Variants in TRMT44 observed in about 807,000 individuals in gnomAD.
TRMT44 encodes the protein probable tRNA (uracil-O(2)-)-methyltransferase.
A neutral mutation model predicts 77.3 loss-of-function variants in TRMT44; 78 were observed. That is an observed-to-expected ratio of 1.01 (90% CI 0.84 to 1.22). TRMT44 has a LOEUF of 1.22. Ranked by LOEUF, TRMT44 falls within the 50% of genes most tolerant of loss-of-function variation. The pLI is 0.00. For synonymous variants in TRMT44, 391 were observed against 383.3 expected (o/e 1.02, Z -0.23); for missense variants, 1,090 against 964.4 (o/e 1.13, Z -1.73).
chr4:8,496,781 T>G (rs1164944839), downstream of TRMT44, among the ~76,000 whole-genome samples: 1 of 152,060 alleles, frequency 6.6e-6, no homozygotes. Context: ...TCAGTGATTT[T>G]TTTTTTCTTT....
Position 8,440,850 on chromosome 4 carries a change from A to G in TRMT44, c.28A>G (p.Ser10Gly). 1 of 1,512,182 alleles carries G rather than the reference A, an allele frequency of 6.6e-7. No homozygotes were observed. Among genetic ancestry groups the G allele is most frequent in the Non-Finnish European group, 8.8e-7 (1 of 1,136,454 alleles). 93.7% of individuals were successfully genotyped at this position (1,512,182 alleles called of 1,614,324 possible). Residue 10 changes from serine (S) to glycine (G), a missense_variant, in exon 1 of 11, where the codon AGC becomes GGC. Ser to Gly is a moderately conservative substitution (Grantham distance 56). Coordinates refer to ENST00000389737, the MANE Select transcript of TRMT44 (RefSeq NM_152544.3). ...GGCTGAGGTGGGCCGTACCGGGATCAGCTACCCAGGCGCGCTTCTCCCACA... is the reference window on the plus strand; with the variant it reads ...GGCTGAGGTGGGCCGTACCGGGATCGGCTACCCAGGCGCGCTTCTCCCACA... MAEVGRTGI[S>G]YPGALLPQGF... is the part of the protein sequence containing the mutation.
chr4:8,452,286 G>A lies in TRMT44; in HGVS notation c.1023+258G>A, dbSNP rs995751297. Among the ~76,000 whole-genome samples, 2 of 152,232 alleles carry A rather than the reference G, an allele frequency of 1.3e-5. No individual in the cohort carries two copies. The highest frequency in any genetic ancestry group is 2.9e-5 in the Non-Finnish European group (2 of 68,036). On this transcript the variant is annotated intron_variant, in intron 4 of 10. Coordinates refer to ENST00000389737, the MANE Select transcript of TRMT44 (RefSeq NM_152544.3). This position sits in a 1 kb window ranked among gnomAD's most constrained non-coding sequence, Gnocchi z 5.7. ...TGTACGTCCACACTCAGCAGTCATC[G>A]TGGAGGCACCGGCTGGCACAGGGAA... is the stretch of plus-strand genomic sequence containing the variant.
chr4:8,477,400 C>A (rs2109204322), downstream of TRMT44: 1 of 152,426 alleles, frequency 6.6e-6, no homozygotes, highest in African/African-American at 2.4e-5. Flanking sequence ...CTTCATCTTA[C>A]TGGGAGACTG....
chr4:8,452,153 G>C lies in TRMT44; in HGVS notation c.1023+125G>C. The C allele has an allele frequency of 3.4e-6, 3 of 892,688 alleles. No individual in the cohort carries two copies. The highest frequency in any genetic ancestry group is 4.2e-5 in the Admixed American group (2 of 47,306). 55.3% of individuals were successfully genotyped at this position (892,688 alleles called of 1,614,324 possible). The stretch of plus-strand genomic sequence containing the variant: ...GGTGCTCACAATTCTGCTGGCCAAG[G>C]TTGGTTTCTCGTGTAATGGTTTGAC... On this transcript the variant is annotated intron_variant, in intron 4 of 10. Transcript: ENST00000389737. This position sits in a 1 kb window ranked among gnomAD's most constrained non-coding sequence, Gnocchi z 5.7.
chr4:8,463,570 C>T (rs1234699880), intron 6 of TRMT44, among the ~76,000 whole-genome samples: 1 of 152,224 alleles, frequency 6.6e-6, no homozygotes, highest in Non-Finnish European at 1.5e-5. Flanking sequence ...TGTTGTATTA[C>T]GCCCTTAAAT....
In TRMT44 at chr4:8,441,444, AAG is replaced by A. The variant is rs751181865; in HGVS notation, c.619+6_619+7del. Reference sequence around the variant, plus strand: ...CAGGAGGGAAATAGTCGTGCAAGGTAAGAGTGTTTTGATAGTGGACGGATATG... The same window carrying A: ...CAGGAGGGAAATAGTCGTGCAAGGTAAGTGTTTTGATAGTGGACGGATATG... On this transcript the variant is annotated splice_donor_5th_base_variant and intron_variant, in intron 1 of 10. Coordinates refer to ENST00000389737, the MANE Select transcript of TRMT44 (RefSeq NM_152544.3). The A allele has an allele frequency of 6.7e-7, 1 of 1,502,678 alleles. No individual in the cohort carries two copies. Among genetic ancestry groups the A allele is most frequent in the South Asian group, 1.2e-5 (1 of 80,030 alleles). 93.1% of individuals were successfully genotyped at this position (1,502,678 alleles called of 1,614,324 possible). A position where few individuals can be genotyped will look rare whatever the true frequency, so the allele number is the denominator to read the frequency against.
intron 2 of TRMT44, among the ~76,000 whole-genome samples, chr4:8,486,000 A>G (rs1727792003): frequency 6.6e-6 from 1 of 152,180 alleles, no homozygotes; most frequent in Admixed American, 6.5e-5. Flanking sequence ...GGCGTTGGTG[A>G]TGGTCCAGGG....
chr4:8,508,355 C>T, the TRMT44 span, among the ~76,000 whole-genome samples: 2 of 152,166 alleles, frequency 1.3e-5, no homozygotes, highest in Non-Finnish European at 1.5e-5. Context: ...GTTGGCCTGC[C>T]GGGCCCTGAG....
At chr4:8,512,999 G>A in the TRMT44 span, among the ~76,000 whole-genome samples, 2 of 152,128 alleles carry the variant, frequency 1.3e-5, no homozygotes, top group Admixed American at 1.3e-4. Context: ...TGCAACCTCC[G>A]CCTCCTGGGT....
chr4:8,480,193 A>G (rs1560247228), downstream of TRMT44, among the ~76,000 whole-genome samples: 1 of 152,220 alleles, frequency 6.6e-6, no homozygotes, highest in Non-Finnish European at 1.5e-5. Context: ...CATAAGGCGG[A>G]AAAAGGAGAC....
intron 9 of TRMT44, 69 bp from the exon 10 acceptor site, chr4:8,471,015 C>T: frequency 9.2e-7 from 1 of 1,088,054 alleles, no homozygotes; most frequent in Non-Finnish European, 1.4e-6. Flanking sequence ...TGGACTGTTT[C>T]TGCCTGTGTG....
chr4:8,442,017 A>T (rs1724751863), intron 1 of TRMT44, among the ~76,000 whole-genome samples: 1 of 152,264 alleles, frequency 6.6e-6, no homozygotes, highest in African/African-American at 2.4e-5. Context: ...AAACAGCGTT[A>T]TCTTTAACTT....
chr4:8,491,791 C>A (rs1004725461), intron 2 of TRMT44, among the ~76,000 whole-genome samples: 1 of 152,256 alleles, frequency 6.6e-6, no homozygotes, highest in African/African-American at 2.4e-5. Flanking sequence ...CGCGCCTCTC[C>A]CTCCACACAT....
At chr4:8,460,165 G>GC (rs1338622953) in intron 6 of TRMT44, among the ~76,000 whole-genome samples, 3 of 152,190 alleles carry the variant, frequency 2.0e-5, no homozygotes, top group Admixed American at 1.3e-4. Flanking sequence ...GTCATGAGTA[G>GC]CCCTCAGGAG....
chr4:8,465,607 G>T, intron 8 of TRMT44, 46 bp downstream of exon 8: 1 of 1,536,414 alleles, frequency 6.5e-7, no homozygotes, highest in Non-Finnish European at 8.9e-7. Context: ...TCGGTGTTCA[G>T]ATGGAGAGCT....
rs533887835 is a variant in TRMT44 at position 8,492,380 on chromosome 4, C to T, written n.3892-886C>T. Among the ~76,000 whole-genome samples, 122 of 152,268 alleles carry T rather than the reference C, an allele frequency of 8.0e-4. 1 individual carries two copies. The highest frequency in any genetic ancestry group is 1.0e-3 in the Non-Finnish European group (68 of 68,026). On this transcript the variant is annotated intron_variant and non_coding_transcript_variant, in intron 2 of 2. Coordinates refer to the TRMT44 transcript ENST00000511366. Reference sequence around the variant, plus strand: ...GCCATGACCGCCGTGGTGCTGAAACCGCCTCTGCAAAAATTATAACAGAAA... The same window carrying T: ...GCCATGACCGCCGTGGTGCTGAAACTGCCTCTGCAAAAATTATAACAGAAA...
chr4:8,474,259 G>C (rs1332389117), intron 10 of TRMT44, among the ~76,000 whole-genome samples: 1 of 152,234 alleles, frequency 6.6e-6, no homozygotes, highest in African/African-American at 2.4e-5. Context: ...GCACCCTTTA[G>C]AGGGTTCCAG....
At position 8,467,594 on chromosome 4, in the gene TRMT44, C is replaced by G. The variant is rs981036803; in HGVS notation, c.1495-320C>G. The stretch of plus-strand genomic sequence containing the variant: ...CTCCTGGGTTCAAATGATCCTCCTG[C>G]CTCAGCCTCCTGAGTAGCTGGGACT... On this transcript the variant is annotated intron_variant, in intron 8 of 10. Transcript: ENST00000389737. 2.0e-5 allele frequency among the ~76,000 whole-genome samples: 3 copies of G among 152,188 alleles called. No individual in the cohort carries two copies. In the East Asian group the frequency reaches 5.8e-4, roughly 29 times the overall value.
intron 6 of TRMT44, among the ~76,000 whole-genome samples, chr4:8,456,429 T>TC (rs2109121333): frequency 6.6e-6 from 1 of 152,240 alleles, no homozygotes; most frequent in Admixed American, 6.5e-5. Flanking sequence ...CAGAGAAAAG[T>TC]TACGGCATTA....
Sources: gnomAD v4.1 joint callset for allele counts (sites outside exome capture counted in the v4.1 genomes callset) on GRCh38, gnomAD v4.1.1 for gene constraint, Gnocchi (gnomAD v3.1) non-coding constraint, MANE v1.5 for transcripts, NCBI Gene and HGNC (gene_info 2026-07-23, HGNC 2026-07-21) for gene names.